The following FREM3 variants were observed in gnomAD, a reference collection of about 807,000 sequenced individuals.
The protein encoded by FREM3 is FRAS1 related extracellular matrix 3, also known as FRAS1-related extracellular matrix protein 3.
FREM3 carries 105 observed loss-of-function variants against 129.1 expected under a neutral mutation model. The observed-to-expected ratio is 0.81, with a 90% CI of 0.69 to 0.96. FREM3 has a LOEUF of 0.96. Among genes scored for constraint, FREM3 ranks in the 40% least tolerant of loss-of-function variants. The pLI is 0.00. For missense variants in FREM3, 2,593 were observed against 2,666.3 expected (o/e 0.97, Z 0.61); for synonymous variants, 1,014 against 1,044.9 (o/e 0.97, Z 0.57).
At chr4:143,644,137 T>C (rs1387177586) in intron 2 of FREM3, among the ~76,000 whole-genome samples, 1 of 152,034 alleles carries the variant, frequency 6.6e-6, no homozygotes, top group Admixed American at 6.6e-5. Context: ...TCTTGGTCTC[T>C]GTAACTTTCT....
At chr4:143,644,177 A>G (rs551869680) in intron 2 of FREM3, among the ~76,000 whole-genome samples, 4 of 149,340 alleles carry the variant, frequency 2.7e-5, no homozygotes, top group African/African-American at 9.8e-5. Flanking sequence ...TGCTCTGCAT[A>G]TGTGTGTGTG....
intron 2 of FREM3, among the ~76,000 whole-genome samples, chr4:143,679,250 A>G (rs1740205771): frequency 6.6e-6 from 1 of 152,184 alleles, no homozygotes; most frequent in Admixed American, 6.5e-5. Context: ...ACCAATGCTA[A>G]AAAGAAGGTT....
In FREM3 at chr4:143,673,060, GT is replaced by G. The variant is rs898720154; in HGVS notation, c.5275+20052del. 5.9e-5 allele frequency among the ~76,000 whole-genome samples: 9 copies of G among 152,274 alleles called. No homozygotes were observed. In the East Asian group the frequency reaches 1.7e-3, roughly 29 times the overall value. ...GAACTTCCTCCTTTAGCTCGGAGAA[GT>G]TTGATCGTCTGAAGCCTTCTTCTCT... On this transcript the variant is annotated intron_variant, in intron 2 of 7. Coordinates refer to ENST00000329798, the MANE Select transcript of FREM3 (RefSeq NM_001168235.2).
intron 2 of FREM3, among the ~76,000 whole-genome samples, chr4:143,642,319 G>A (rs1226386684): frequency 6.6e-6 from 1 of 152,014 alleles, no homozygotes; most frequent in East Asian, 1.9e-4. Flanking sequence ...AATTTATATA[G>A]CGAGTAGCCA....
intron 2 of FREM3, among the ~76,000 whole-genome samples, chr4:143,649,502 T>C (rs1451124640): frequency 6.6e-6 from 1 of 152,210 alleles, no homozygotes; most frequent in Non-Finnish European, 1.5e-5. Flanking sequence ...GGAGTGTTAA[T>C]AATAAGATCC....
rs555035009 is a variant in FREM3, at chr4:143,689,473, A to C, written c.5275+3640T>G. Among the ~76,000 whole-genome samples, 54 of 152,298 alleles carry C rather than the reference A, an allele frequency of 3.5e-4. No individual in the cohort carries two copies. In the South Asian group the frequency reaches 6.4e-3, roughly 18 times the overall value. Reference sequence around the variant, plus strand: ...ACAGCCACTACAGAAAATAGTGTGGAGATTCCTTAAAGAGCTAGAAGTAGA... The same window carrying C: ...ACAGCCACTACAGAAAATAGTGTGGCGATTCCTTAAAGAGCTAGAAGTAGA... On this transcript the variant is annotated intron_variant, in intron 2 of 7. Transcript: ENST00000329798.
chr4:143,644,042 C>A (rs1739369849), intron 2 of FREM3, among the ~76,000 whole-genome samples: 1 of 152,042 alleles, frequency 6.6e-6, no homozygotes, highest in Non-Finnish European at 1.5e-5. Context: ...AATTATGCTG[C>A]TGCATAATTT....
chr4:143,611,235 A>T (rs774912240), intron 6 of FREM3, 44 bp downstream of exon 6: 28 of 1,509,770 alleles, frequency 1.9e-5, no homozygotes, highest in Non-Finnish European at 2.4e-5. Context: ...AAAGTGTGAG[A>T]AGGCAGCTAT....
chr4:143,661,141 AGGGC>A (rs1739711872), intron 2 of FREM3, among the ~76,000 whole-genome samples: 1 of 152,148 alleles, frequency 6.6e-6, no homozygotes, highest in African/African-American at 2.4e-5. Context: ...GTGGTGAGAG[AGGGC>A]ATCCCTGTCT....
intron 2 of FREM3, among the ~76,000 whole-genome samples, chr4:143,684,260 C>T (rs1227904294): frequency 6.6e-6 from 1 of 152,146 alleles, no homozygotes. Context: ...CCATTGCACC[C>T]CCCACCACTT....
At position 143,656,931 on chromosome 4, in the gene FREM3, A is replaced by C. The variant is rs1450241; in HGVS notation, c.5276-29171T>G. 1.8e-4 allele frequency among the ~76,000 whole-genome samples: 28 copies of C among 152,050 alleles called. No homozygotes were observed. The South Asian group carries it at 5.6e-3, about 30-fold the overall frequency. ...AACTAAGGGGAAGGCAAAGCCCCAG[A>C]AGTGTCTGATTGTTTATATTCAACA... is the stretch of plus-strand genomic sequence containing the variant. On this transcript the variant is annotated intron_variant, in intron 2 of 7. Transcript: ENST00000329798.
chr4:143,685,459 A>G (rs1740343242), intron 2 of FREM3, among the ~76,000 whole-genome samples: 1 of 152,210 alleles, frequency 6.6e-6, no homozygotes, highest in Non-Finnish European at 1.5e-5. Context: ...GAGGGAATTT[A>G]TCATTACCAA....
Position 143,676,647 on chromosome 4 carries a change from T to C in FREM3, c.5275+16466A>G, listed in dbSNP as rs562583150. 3.1e-3 allele frequency among the ~76,000 whole-genome samples: 468 copies of C among 152,222 alleles called. 2 individuals are homozygous for C. Among genetic ancestry groups the C allele is most frequent in the African/African-American group, 0.011 (446 of 41,522 alleles). ...TGATTGTATATCTAGAAAACCCCAT[T>C]GTCTCAGCCCAAAATCTCCTTAAGC... On this transcript the variant is annotated intron_variant, in intron 2 of 7. Transcript: ENST00000329798.
chr4:143,682,272 C>T (rs1740266081), intron 2 of FREM3, among the ~76,000 whole-genome samples: 1 of 152,114 alleles, frequency 6.6e-6, no homozygotes, highest in Admixed American at 6.5e-5. Context: ...ACAAAAGGAC[C>T]AGAGGCTACT....
chr4:143,596,328 G>A (rs1453877705), intron 6 of FREM3, among the ~76,000 whole-genome samples: 1 of 152,182 alleles, frequency 6.6e-6, no homozygotes, highest in Non-Finnish European at 1.5e-5. Context: ...TTATTCATGT[G>A]AGACATGATG....
intron 3 of FREM3, among the ~76,000 whole-genome samples, chr4:143,625,340 G>A (rs560173932): frequency 1.4e-4 from 22 of 152,298 alleles, no homozygotes; most frequent in African/African-American, 5.1e-4. Context: ...CCTGACACCA[G>A]CTATGGTGAA....
At chr4:143,628,989 A>T (rs1739094341) in intron 2 of FREM3, among the ~76,000 whole-genome samples, 1 of 152,120 alleles carries the variant, frequency 6.6e-6, no homozygotes, top group African/African-American at 2.4e-5. Flanking sequence ...GGGCCAGTTA[A>T]GGAGGCAACA....
chr4:143,584,382 G>C (rs1738202054), intron 7 of FREM3, among the ~76,000 whole-genome samples: 1 of 139,814 alleles, frequency 7.2e-6, no homozygotes, highest in Non-Finnish European at 1.5e-5. Flanking sequence ...GCGGTCCGCA[G>C]TCCGGCCTGG....
rs1434637415 is a variant in FREM3, at chr4:143,624,178, C to T, written c.5583G>A (p.Leu1861=). The T allele has an allele frequency of 1.2e-5, 19 of 1,536,878 alleles. No homozygotes were observed. The highest frequency in any genetic ancestry group is 1.1e-4 in the South Asian group (9 of 84,056). ...CCAGTACAGCCATGAGAGGTTCAGACAGAATGATCTGGAAGGTCTCTGAAG... is the reference window on the plus strand; with the variant it reads ...CCAGTACAGCCATGAGAGGTTCAGATAGAATGATCTGGAAGGTCTCTGAAG... ...YETSETFQII[L]SEPLMAVLEF... is the part of the protein sequence containing the mutation. The change falls in exon 4 of 8, where the codon CTG becomes CTA. Residue 1861 remains leucine (L), a synonymous_variant. Coordinates refer to ENST00000329798, the MANE Select transcript of FREM3 (RefSeq NM_001168235.2).
Sources: gnomAD v4.1 joint callset for allele counts (sites outside exome capture counted in the v4.1 genomes callset) on GRCh38, gnomAD v4.1.1 for gene constraint, MANE v1.5 for transcripts, NCBI Gene and HGNC (gene_info 2026-07-23, HGNC 2026-07-21) for gene names.